Variants in CLUAP1 observed in about 807,000 individuals in gnomAD.
CLUAP1 encodes intraflagellar transport 38.
CLUAP1 carries 50 observed loss-of-function variants against 55.0 expected under a neutral mutation model. The ratio of observed to expected loss-of-function variants is 0.91; its 90% confidence interval spans 0.72 to 1.15. CLUAP1 has a LOEUF of 1.15. Ranked by LOEUF, CLUAP1 falls within the 50% of genes most tolerant of loss-of-function variation. The pLI, the probability that CLUAP1 is intolerant of heterozygous loss-of-function variation, is 0.00. For missense variants in CLUAP1, 530 were observed against 507.6 expected (o/e 1.04, Z -0.42); for synonymous variants, 195 against 175.4 (o/e 1.11, Z -0.88).
At chr16:3,531,655 G>A (rs1456908710) in intron 10 of CLUAP1, among the ~76,000 whole-genome samples, 2 of 152,194 alleles carry the variant, frequency 1.3e-5, no homozygotes, top group Admixed American at 6.5e-5. Flanking sequence ...GCCAGGGTGG[G>A]TGTGTCTTTA....
At chr16:3,498,495 T>G (rs927937437), upstream of CLUAP1, among the ~76,000 whole-genome samples, 1 of 152,172 alleles carries the variant, frequency 6.6e-6, no homozygotes, top group East Asian at 1.9e-4. Flanking sequence ...ACAACAATCT[T>G]GGAAAAGCAA....
chr16:3,519,666 G>A (rs752060006), intron 6 of CLUAP1, among the ~76,000 whole-genome samples: 5 of 152,154 alleles, frequency 3.3e-5, no homozygotes, highest in African/African-American at 7.2e-5. Context: ...CTTTCCCTGG[G>A]TAGAAATGCC....
At chr16:3,506,174 G>C (rs1184692724) in intron 2 of CLUAP1, among the ~76,000 whole-genome samples, 157 bp from the exon 3 acceptor site, 3 of 152,192 alleles carry the variant, frequency 2.0e-5, no homozygotes, top group Non-Finnish European at 4.4e-5. Context: ...CTTGGTATTT[G>C]GTTTTGCTTT....
upstream of CLUAP1, among the ~76,000 whole-genome samples, chr16:3,500,424 C>T (rs1335057596): frequency 2.1e-5 from 3 of 145,926 alleles, no homozygotes; most frequent in African/African-American, 7.7e-5. Context: ...GGCCGAAGGG[C>T]AGTGGCGCGA....
chr16:3,532,995 C>T, intron 11 of CLUAP1, 154 bp downstream of exon 11: 1 of 1,345,902 alleles, frequency 7.4e-7, no homozygotes, highest in South Asian at 1.2e-5. Flanking sequence ...TCATGAGGCT[C>T]TGGACTCTTC....
intron 8 of CLUAP1, among the ~76,000 whole-genome samples, chr16:3,525,431 C>T (rs1227285931): frequency 6.6e-6 from 1 of 152,096 alleles, no homozygotes; most frequent in Admixed American, 6.5e-5. Context: ...CGCTCTCTGT[C>T]GTTAGAATAC....
At chr16:3,530,517 G>C (rs763624250) in intron 9 of CLUAP1, 51 bp from the exon 10 acceptor site, 1 of 1,354,070 alleles carries the variant, frequency 7.4e-7, no homozygotes, top group Admixed American at 1.7e-5. Flanking sequence ...GAGCTGTTTC[G>C]TTGTGATCAT....
chr16:3,496,410 A>T (rs570904852), upstream of CLUAP1: 17 of 1,047,610 alleles, frequency 1.6e-5, no homozygotes, highest in Admixed American at 2.0e-4. Flanking sequence ...ATGATCCGGA[A>T]GATGAAGCTT....
At chr16:3,508,016 A>G (rs1194481229) in intron 3 of CLUAP1, among the ~76,000 whole-genome samples, 1 of 152,018 alleles carries the variant, frequency 6.6e-6, no homozygotes, top group East Asian at 1.9e-4. Context: ...TTTGTGTTTG[A>G]GTGTGTCCCT....
chr16:3,536,311 A>T lies in CLUAP1; in HGVS notation c.*40A>T. 1 of 1,597,042 alleles carries T rather than the reference A, an allele frequency of 6.3e-7. No individual in the cohort carries two copies. Among genetic ancestry groups the T allele is most frequent in the South Asian group, 1.1e-5 (1 of 89,498 alleles). On this transcript the variant is annotated 3_prime_UTR_variant, in exon 12 of 12. Transcript: ENST00000576634. ...GACCCTGGCAGATTAAAACCCTCAG[A>T]CTTGTAGGTAAATGGGAACTTAGAA...
chr16:3,511,117 G>A (rs1306913775), intron 4 of CLUAP1, among the ~76,000 whole-genome samples: 2 of 152,202 alleles, frequency 1.3e-5, no homozygotes, highest in Non-Finnish European at 2.9e-5. Flanking sequence ...AAGAAAAGCA[G>A]CTAGAGCCAG....
intron 2 of CLUAP1, 144 bp from the exon 3 acceptor site, chr16:3,506,187 A>G: frequency 1.5e-6 from 1 of 645,636 alleles, no homozygotes; most frequent in South Asian, 1.8e-5. Flanking sequence ...TTTGCTTTTG[A>G]AGTTTGCCTT....
At chr16:3,507,525 A>G (rs1247168892) in intron 3 of CLUAP1, among the ~76,000 whole-genome samples, 1 of 150,632 alleles carries the variant, frequency 6.6e-6, no homozygotes, top group Non-Finnish European at 1.5e-5. Context: ...ATGTCATTGC[A>G]CTCCAGCCCA....
upstream of CLUAP1, among the ~76,000 whole-genome samples, chr16:3,498,399 T>C (rs547451635): frequency 8.5e-5 from 13 of 152,246 alleles, no homozygotes; most frequent in African/African-American, 2.9e-4. Context: ...CCCAGTCAAG[T>C]TGACACACAA....
intron 9 of CLUAP1, among the ~76,000 whole-genome samples, chr16:3,529,904 T>TTA (rs1237729097): frequency 8.8e-6 from 1 of 113,920 alleles, no homozygotes; most frequent in African/African-American, 3.4e-5. Flanking sequence ...ATTATATATG[T>TTA]TATATAGTTA....
intron 7 of CLUAP1, among the ~76,000 whole-genome samples, chr16:3,522,781 G>C (rs2037864100): frequency 6.6e-6 from 1 of 151,516 alleles, no homozygotes; most frequent in Non-Finnish European, 1.5e-5. Flanking sequence ...AAAATTTCTT[G>C]GTATATTTAA....
chr16:3,520,382 C>T (rs1437257585), intron 7 of CLUAP1, among the ~76,000 whole-genome samples: 1 of 151,666 alleles, frequency 6.6e-6, no homozygotes, highest in African/African-American at 2.4e-5. Flanking sequence ...AGAACAAGGC[C>T]CTGACTCTAA....
chr16:3,512,181 C>T (rs1023437151), intron 4 of CLUAP1, among the ~76,000 whole-genome samples: 5 of 145,142 alleles, frequency 3.4e-5, no homozygotes, highest in South Asian at 2.2e-4. Flanking sequence ...AACGAAACTC[C>T]GTCTCAAAAA....
chr16:3,532,932 G>A (rs1306132152), intron 11 of CLUAP1, 91 bp downstream of exon 11: 1 of 1,503,120 alleles, frequency 6.7e-7, no homozygotes, highest in Non-Finnish European at 9.3e-7. Context: ...CAGCAGCCAG[G>A]GAGCCGTCTA....
Sources: allele counts gnomAD v4.1 joint callset (sites outside exome capture counted in the v4.1 genomes callset), GRCh38; gene constraint gnomAD v4.1.1; transcripts MANE v1.5; gene names NCBI Gene and HGNC (gene_info 2026-07-23, HGNC 2026-07-21).